The following FAM186B variants were observed in gnomAD, a reference collection of about 807,000 sequenced individuals.
The protein encoded by FAM186B is protein FAM186B.
A neutral mutation model predicts 83.4 loss-of-function variants in FAM186B; 68 were observed. That is an observed-to-expected ratio of 0.81 (90% CI 0.67 to 1.00). The LOEUF is 1.00. FAM186B is among the 50% of genes least tolerant of loss of function. The pLI is 0.00. For missense variants in FAM186B, 983 were observed against 1,099.2 expected (o/e 0.89, Z 1.49); for synonymous variants, 389 against 422.0 (o/e 0.92, Z 0.96).
At chr12:49,595,135 T>C (rs1397406639) in intron 5 of FAM186B, 1 of 399,470 alleles carries the variant, frequency 2.5e-6, no homozygotes, top group Non-Finnish European at 4.9e-6. Context: ...TTTTAAATTA[T>C]TATTTTGAGT....
intron 6 of FAM186B, 85 bp downstream of exon 6, chr12:49,588,369 A>G: frequency 4.7e-6 from 7 of 1,488,150 alleles, no homozygotes; most frequent in Non-Finnish European, 6.3e-6. Flanking sequence ...CCCTCACTTC[A>G]CTGCCCACCT....
chr12:49,584,648 T>C, downstream of FAM186B: 1 of 701,890 alleles, frequency 1.4e-6, no homozygotes, highest in Non-Finnish European at 2.6e-6. Context: ...GGTGGGGGAG[T>C]AACTGAGACA....
chr12:49,584,603 T>C, downstream of FAM186B: 2 of 702,368 alleles, frequency 2.8e-6, no homozygotes, highest in Non-Finnish European at 5.2e-6. Context: ...CTTCCTTTGG[T>C]TCGCTGAGGC....
chr12:49,600,978 T>A lies in FAM186B; in HGVS notation c.662A>T (p.Asp221Val), dbSNP rs1207796823. The change falls in exon 4 of 7, where the codon GAC becomes GTC. Residue 221 changes from aspartate to valine, a missense_variant. Coordinates refer to ENST00000257894, the MANE Select transcript of FAM186B (RefSeq NM_032130.3). The surrounding 1 kb of genome is among the most constrained non-coding windows in gnomAD (Gnocchi z 4.3). ...CTCCCCCTTGCTGAACATGGTAGAG[T>A]CCAGGAGCTCCTGCAGCATGGACGT... ...EVTSMLQELLDSTMFSKGEVR... is the reference protein window; with the variant it reads ...EVTSMLQELLVSTMFSKGEVR... The A allele has an allele frequency of 1.2e-6, 2 of 1,613,890 alleles. No homozygotes were observed. The highest frequency in any genetic ancestry group is 2.2e-5 in the East Asian group (1 of 44,892).
At chr12:49,584,346 T>C, downstream of FAM186B, 1 of 598,582 alleles carries the variant, frequency 1.7e-6, no homozygotes, top group Non-Finnish European at 3.0e-6. Flanking sequence ...GAAGCAGTGT[T>C]TCTCAAAGTT....
At chr12:49,593,651 AGAAAG>A (rs1939641657) in intron 5 of FAM186B, among the ~76,000 whole-genome samples, 1 of 151,828 alleles carries the variant, frequency 6.6e-6, no homozygotes, top group Non-Finnish European at 1.5e-5. Flanking sequence ...AAAAAAGAAA[AGAAAG>A]AGGGCCATTT....
chr12:49,599,989 G>C lies in FAM186B; in HGVS notation c.1651C>G (p.Leu551Val). The C allele has an allele frequency of 6.2e-7, 1 of 1,613,416 alleles. No homozygotes were observed. Among genetic ancestry groups the C allele is most frequent in the Non-Finnish European group, 8.5e-7 (1 of 1,179,764 alleles). ...ATCCTCCTCTCCACATCCTCCCCTA[G>C]CTGCTCTGGCTCTCTCCGTGGGCTC... is the stretch of plus-strand genomic sequence containing the variant. ...QESPRREPEQ[L>V]GEDVERRIFT... is the part of the protein sequence containing the mutation. Residue 551 changes from leucine (L) to valine (V), a missense_variant, in exon 4 of 7, where the codon CTA becomes GTA. Leu to Val is a conservative substitution (Grantham distance 32). Transcript: ENST00000257894.
chr12:49,593,573 G>C (rs1939636982), intron 5 of FAM186B, among the ~76,000 whole-genome samples: 1 of 150,848 alleles, frequency 6.6e-6, no homozygotes, highest in African/African-American at 2.5e-5. Flanking sequence ...GGTGGAGTTT[G>C]CAGTGAGCCA....
chr12:49,584,149 G>A (rs1428357360), downstream of FAM186B: 1 of 265,230 alleles, frequency 3.8e-6, no homozygotes, highest in Non-Finnish European at 7.4e-6. Context: ...TAAATGAAGA[G>A]TTACACCTAC....
chr12:49,598,434 A>G (rs1939777517), intron 5 of FAM186B, among the ~76,000 whole-genome samples: 1 of 152,180 alleles, frequency 6.6e-6, no homozygotes, highest in Non-Finnish European at 1.5e-5. Context: ...CACAGCCCAG[A>G]GCCAGGACTG....
chr12:49,621,534 G>A, the FAM186B span, among the ~76,000 whole-genome samples: 1 of 152,216 alleles, frequency 6.6e-6, no homozygotes, highest in African/African-American at 2.4e-5. Context: ...AGATGAAATG[G>A]AGAGAATTCT....
At chr12:49,585,997 G>A (rs545027153), downstream of FAM186B, among the ~76,000 whole-genome samples, 73 of 152,320 alleles carry the variant, frequency 4.8e-4, 1 homozygote, top group South Asian at 0.015. Context: ...CCCCCACACT[G>A]AGACATCAGG....
upstream of FAM186B, among the ~76,000 whole-genome samples, chr12:49,609,599 G>A (rs1305441388): frequency 6.6e-6 from 1 of 152,204 alleles, no homozygotes; most frequent in Non-Finnish European, 1.5e-5. Flanking sequence ...TGTAGAGATT[G>A]TGGTGCAGCA....
chr12:49,603,883 A>C (rs1392360076), intron 2 of FAM186B, among the ~76,000 whole-genome samples: 1 of 152,054 alleles, frequency 6.6e-6, no homozygotes, highest in African/African-American at 2.4e-5. Context: ...TGATGGGATG[A>C]CTCTGAGCTG....
chr12:49,613,759 G>C, the FAM186B span, among the ~76,000 whole-genome samples: 4 of 148,464 alleles, frequency 2.7e-5, no homozygotes, highest in African/African-American at 7.5e-5. Flanking sequence ...GGATCACTGA[G>C]TCCAGGGAGG....
chr12:49,604,150 T>C, intron 2 of FAM186B, 163 bp downstream of exon 2: 1 of 609,482 alleles, frequency 1.6e-6, no homozygotes, highest in South Asian at 2.0e-5. Flanking sequence ...TCTGTGATGT[T>C]TGGACACTTC....
downstream of FAM186B, among the ~76,000 whole-genome samples, chr12:49,587,002 G>T (rs1191028987): frequency 6.6e-6 from 1 of 152,186 alleles, no homozygotes; most frequent in Non-Finnish European, 1.5e-5. Context: ...GTCACAGGAG[G>T]CAGATGGGAT....
chr12:49,587,516 AGAGAGATTTATTGGG>A lies in FAM186B; in HGVS notation c.*74_*88del. On this transcript the variant is annotated 3_prime_UTR_variant, in exon 7 of 7. Coordinates refer to ENST00000257894, the MANE Select transcript of FAM186B (RefSeq NM_032130.3). Reference sequence around the variant, plus strand: ...AAATGAGGTCATTGTTAAAGCCTGGAGAGAGATTTATTGGGGAGAATCCACATTGACCATCAGCCT... The same window carrying A: ...AAATGAGGTCATTGTTAAAGCCTGGAGAGAATCCACATTGACCATCAGCCT... 1 of 1,541,342 alleles carries A rather than the reference AGAGAGATTTATTGGG, an allele frequency of 6.5e-7. No individual in the cohort carries two copies. Among genetic ancestry groups the A allele is most frequent in the Non-Finnish European group, 9.0e-7 (1 of 1,114,186 alleles).
chr12:49,620,045 G>A, the FAM186B span, among the ~76,000 whole-genome samples: 2 of 152,026 alleles, frequency 1.3e-5, no homozygotes, highest in East Asian at 1.9e-4. Flanking sequence ...CTGATAACAC[G>A]GCATTGTGAA....
Sources: gnomAD v4.1 joint callset for allele counts (sites outside exome capture counted in the v4.1 genomes callset) on GRCh38, gnomAD v4.1.1 for gene constraint, Gnocchi (gnomAD v3.1) non-coding constraint, MANE v1.5 for transcripts, NCBI Gene and HGNC (gene_info 2026-07-23, HGNC 2026-07-21) for gene names.